The following KCNG4 variants were observed in gnomAD, a reference collection of about 807,000 sequenced individuals.
KCNG4 encodes voltage-gated potassium channel regulatory subunit KCNG4.
Under a neutral mutation model 28.2 loss-of-function variants are expected in KCNG4, and 30 were observed. That is an observed-to-expected ratio of 1.06 (90% CI 0.80 to 1.44). KCNG4 has a LOEUF of 1.44. Among genes scored for constraint, KCNG4 ranks in the 40% most tolerant of loss-of-function variants. The pLI, the probability that KCNG4 is intolerant of heterozygous loss-of-function variation, is 0.00. For synonymous variants in KCNG4, 375 were observed against 315.5 expected, an observed-to-expected ratio of 1.19 and a Z score of -2.00; for missense variants, 879 against 712.3, an observed-to-expected ratio of 1.23 and a Z score of -2.66.
intron 2 of KCNG4, among the ~76,000 whole-genome samples, chr16:84,234,945 A>T (rs528545542): frequency 6.6e-6 from 1 of 152,160 alleles, no homozygotes; most frequent in South Asian, 2.1e-4. Flanking sequence ...TCTGGGCAGC[A>T]CCTCAGCCTG....
chr16:84,231,273 C>T (rs1200808919), intron 2 of KCNG4, among the ~76,000 whole-genome samples: 1 of 152,190 alleles, frequency 6.6e-6, no homozygotes, highest in East Asian at 1.9e-4. Flanking sequence ...AGGGCAGAGC[C>T]AGGGAGTGGG....
chr16:84,236,222 A>G (rs1904944720), intron 2 of KCNG4: 1 of 156,942 alleles, frequency 6.4e-6, no homozygotes, highest in Non-Finnish European at 1.4e-5. Flanking sequence ...TGGAGTGGGG[A>G]TGCCCAGGAG....
intron 2 of KCNG4, chr16:84,236,445 G>C (rs867508246): frequency 2.1e-6 from 1 of 481,554 alleles, no homozygotes; most frequent in East Asian, 3.3e-5. Flanking sequence ...AGGTGACACT[G>C]TGTCTGTGTG....
Position 84,222,671 on chromosome 16 carries a change from C to T in KCNG4, c.1106G>A (p.Arg369His), listed in dbSNP as rs767194456. 237 of 1,613,098 alleles carry T rather than the reference C, an allele frequency of 1.5e-4. 1 individual carries two copies. The highest frequency in any genetic ancestry group is 1.9e-4 in the Non-Finnish European group (220 of 1,179,878). ...GAAGAGAAGGAGCAGGCCGAACTCA[C>T]GTGTGCAACGGCGCACGGTGAGCCC... ...TLGLTVRRCT[R>H]EFGLLLLFLA... Residue 369 changes from arginine to histidine, a missense_variant, in exon 3 of 3, where the codon CGT becomes CAT. Coordinates refer to ENST00000308251, the MANE Select transcript of KCNG4 (RefSeq NM_172347.3).
rs7190512 is a variant in KCNG4 at position 84,236,539 on chromosome 16, A to G, written c.756+191T>C. On this transcript the variant is annotated intron_variant, in intron 2 of 2. Transcript: ENST00000308251. ...GCACTTTTGCCTTTGCAGGACTCCA[A>G]TAAAAAAAAAAAAGATGGAAAATTA... 3,267 of 806,958 alleles carry G rather than the reference A, an allele frequency of 4.0e-3. 65 individuals carry two copies. In the African/African-American group the frequency reaches 0.048, roughly 12 times the overall value. 50.0% of individuals were successfully genotyped at this position (806,958 alleles called of 1,614,324 possible). A position where few individuals can be genotyped will look rare whatever the true frequency, so the allele number is the denominator to read the frequency against.
At chr16:84,224,667 G>T (rs1904657522) in intron 2 of KCNG4, among the ~76,000 whole-genome samples, 1 of 152,238 alleles carries the variant, frequency 6.6e-6, no homozygotes, top group African/African-American at 2.4e-5. Flanking sequence ...CCTGTCCAGG[G>T]CAGGGCACCT....
At chr16:84,230,402 C>CA (rs36051103) in intron 2 of KCNG4, among the ~76,000 whole-genome samples, 12,945 of 30,160 alleles carry the variant, frequency 0.43, 4,279 homozygotes, top group Non-Finnish European at 0.48. Context: ...GACTTCATCT[C>CA]AAAAAAAAAA....
chr16:84,230,655 C>T (rs915037058), intron 2 of KCNG4, among the ~76,000 whole-genome samples: 5 of 152,164 alleles, frequency 3.3e-5, no homozygotes, highest in African/African-American at 1.2e-4. Flanking sequence ...GTCTACAGTC[C>T]AGGATGAGAG....
At position 84,232,386 on chromosome 16, in the gene KCNG4, G is replaced by A. The variant is rs149272039; in HGVS notation, c.756+4344C>T. On this transcript the variant is annotated intron_variant, in intron 2 of 2. Transcript: ENST00000308251. ...AAATGTCCAGAATAGGCTAATTCAT[G>A]GAGATAGAAAGCAGATGGGTGATTG... Among the ~76,000 whole-genome samples the A allele has an allele frequency of 2.8e-4, 42 of 152,310 alleles. No individual in the cohort carries two copies. The East Asian group carries it at 7.1e-3, about 26-fold the overall frequency.
rs142290773 is a variant in KCNG4 at position 84,223,978 on chromosome 16, G to A, written c.757-958C>T. 2.3e-3 allele frequency among the ~76,000 whole-genome samples: 353 copies of A among 152,184 alleles called. 2 individuals are homozygous for A. The highest frequency in any genetic ancestry group is 1.0e-3 in the Non-Finnish European group (69 of 68,004). On this transcript the variant is annotated intron_variant, in intron 2 of 2. Coordinates refer to ENST00000308251, the MANE Select transcript of KCNG4 (RefSeq NM_172347.3). The stretch of plus-strand genomic sequence containing the variant: ...TCTAGCTCAGCAGTTCCAGCTGGGC[G>A]GGGGCCGTTCTGAGTTCTGTATTTT...
chr16:84,238,841 C>G (rs1905038037), intron 1 of KCNG4, among the ~76,000 whole-genome samples: 1 of 151,978 alleles, frequency 6.6e-6, no homozygotes. Flanking sequence ...GCACTCCAGC[C>G]TGGACAACAG....
In KCNG4 at chr16:84,236,733, GTCC is replaced by G. The variant is rs771680906; in HGVS notation, c.750_752del (p.Glu250del). 1.7e-5 allele frequency: 28 copies of G among 1,608,394 alleles called. No individual in the cohort carries two copies. The African/African-American group carries it at 3.5e-4, about 20-fold the overall frequency. The stretch of plus-strand genomic sequence containing the variant: ...AATGCCATCAGAGGCCGCTCACCTG[GTCC>G]TCCTCTGCCCTGAGGTCGGGCATGG... On this transcript the variant is annotated inframe_deletion, in exon 2 of 3. Coordinates refer to ENST00000308251, the MANE Select transcript of KCNG4 (RefSeq NM_172347.3).
rs951871632 is a variant in KCNG4, at chr16:84,226,345, T to C, written c.757-3325A>G. 7.2e-5 allele frequency among the ~76,000 whole-genome samples: 11 copies of C among 152,136 alleles called. No homozygotes were observed. Among genetic ancestry groups the C allele is most frequent in the African/African-American group, 2.7e-4 (11 of 41,408 alleles). On this transcript the variant is annotated intron_variant, in intron 2 of 2. Transcript: ENST00000308251. This position sits in a 1 kb window ranked among gnomAD's most constrained non-coding sequence, Gnocchi z 4.1. ...CAAAGTGATCAGAACAGTGGCTGCC[T>C]CTGGGTAGTGTAGGGATGGCCTGTG...
In KCNG4 at chr16:84,236,963, G is replaced by C; in HGVS notation, c.523C>G (p.Leu175Val). 6.2e-7 allele frequency: 1 copy of C among 1,613,184 alleles called. No homozygotes were observed. The highest frequency in any genetic ancestry group is 8.5e-7 in the Non-Finnish European group (1 of 1,179,684). Residue 175 changes from leucine to valine, a missense_variant, in exon 2 of 3, where the codon CTG becomes GTG. By Grantham distance (32) the Leu-to-Val change is conservative (BLOSUM62 1). Transcript: ENST00000308251. ...ACGTCCTCCCTGTGCAGCTTGGCCA[G>C]CTCCTCCAGCTCCTCCAGCTTCCTC... ...LLRKLEELEE[L>V]AKLHREDVLR...
rs140846499 is a variant in KCNG4, at chr16:84,237,331, G to A, written c.155C>T (p.Ala52Val). ...CTCCTTCTTCAGGTCCACTGGGGAGGCGTCCAGGGCACCCACCTTCCGCAC... is the reference window on the plus strand; with the variant it reads ...CTCCTTCTTCAGGTCCACTGGGGAGACGTCCAGGGCACCCACCTTCCGCAC... ...RRVRKVGALD[A>V]SPVDLKKEIL... The change falls in exon 2 of 3, where the codon GCC (alanine) becomes GTC (valine). Residue 52 changes from alanine to valine, a missense_variant. Ala to Val is a moderately conservative substitution (Grantham distance 64, BLOSUM62 0). Transcript: ENST00000308251. The A allele has an allele frequency of 1.1e-5, 17 of 1,579,302 alleles. No individual in the cohort carries two copies. Among genetic ancestry groups the A allele is most frequent in the Non-Finnish European group, 1.5e-5 (17 of 1,162,588 alleles).
At chr16:84,234,405 C>T (rs1451275305) in intron 2 of KCNG4, among the ~76,000 whole-genome samples, 1 of 152,048 alleles carries the variant, frequency 6.6e-6, no homozygotes, top group Non-Finnish European at 1.5e-5. Context: ...TCTCAAACTC[C>T]TGACCTCAGG....
intron 2 of KCNG4, among the ~76,000 whole-genome samples, chr16:84,224,403 TAC>T (rs58296563): frequency 0.01 from 588 of 58,612 alleles, 3 homozygotes; most frequent in Admixed American, 0.017. Context: ...TATACATATT[TAC>T]ACACACACAC....
chr16:84,237,007 C>T lies in KCNG4; in HGVS notation c.479G>A (p.Cys160Tyr), dbSNP rs773299636. 1.2e-6 allele frequency: 2 copies of T among 1,613,940 alleles called. No homozygotes were observed. Among genetic ancestry groups the T allele is most frequent in the South Asian group, 1.1e-5 (1 of 91,072 alleles). Residue 160 changes from cysteine to tyrosine, a missense_variant, in exon 2 of 3, where the codon TGC becomes TAC. Coordinates refer to ENST00000308251, the MANE Select transcript of KCNG4 (RefSeq NM_172347.3). The stretch of plus-strand genomic sequence containing the variant: ...CTTCCTCAGCAGCTTCCGCAGGCAG[C>T]ACCTCTCCAGGTGGGCCTCCTCGAT... ...WGIEEAHLER[C>Y]CLRKLLRKLE...
chr16:84,238,887 A>G (rs1162105912), intron 1 of KCNG4, among the ~76,000 whole-genome samples: 1 of 152,108 alleles, frequency 6.6e-6, no homozygotes, highest in Non-Finnish European at 1.5e-5. Flanking sequence ...AAAACAAAAA[A>G]AAATGACGGG....
Sources: gnomAD v4.1 joint callset for allele counts (sites outside exome capture counted in the v4.1 genomes callset) on GRCh38, gnomAD v4.1.1 for gene constraint, Gnocchi (gnomAD v3.1) non-coding constraint, MANE v1.5 for transcripts, NCBI Gene and HGNC (gene_info 2026-07-23, HGNC 2026-07-21) for gene names.